OTUD7B: variants seen among roughly 807,000 people sequenced by gnomAD.
OTUD7B encodes the protein OTU deubiquitinase 7B.
Under a neutral mutation model 82.2 loss-of-function variants are expected in OTUD7B, and 34 were observed. The observed-to-expected ratio is 0.41, with a 90% CI of 0.31 to 0.55. OTUD7B has a LOEUF of 0.55. Ranked by LOEUF, OTUD7B falls within the 20% of genes least tolerant of loss-of-function variation. The pLI, the probability that OTUD7B is intolerant of heterozygous loss-of-function variation, is 0.20. For synonymous variants in OTUD7B, 398 were observed against 402.7 expected, an observed-to-expected ratio of 0.99 and a Z score of 0.14; for missense variants, 944 against 1,062.1, an observed-to-expected ratio of 0.89 and a Z score of 1.55.
At chr1:149,997,927 C>G (rs1553783740) in intron 1 of OTUD7B, among the ~76,000 whole-genome samples, 2 of 152,178 alleles carry the variant, frequency 1.3e-5, no homozygotes, top group African/African-American at 2.4e-5. Flanking sequence ...CTACTACTTA[C>G]TAGGCATGCA....
chr1:149,959,844 C>A, intron 6 of OTUD7B, 48 bp from the exon 7 acceptor site: 1 of 1,219,422 alleles, frequency 8.2e-7, no homozygotes, highest in South Asian at 1.2e-5. Flanking sequence ...AGGCTGGGTT[C>A]TAAGAGGCAA....
Position 149,944,556 on chromosome 1 carries a change from A to G in OTUD7B, c.1833T>C (p.Phe611=). 3 of 1,614,086 alleles carry G rather than the reference A, an allele frequency of 1.9e-6. No homozygotes were observed. The South Asian group carries it at 3.3e-5, about 18-fold the overall frequency. ...TAMQGEGKFI[F]VGTLKMGHRH... is the part of the protein sequence containing the mutation. The stretch of plus-strand genomic sequence containing the variant: ...GGTGACCCATCTTCAGGGTTCCAAC[A>G]AAAATAAACTTCCCCTCCCCTTGCA... Residue 611 remains phenylalanine (F), a synonymous_variant, in exon 12 of 12, where the codon TTT becomes TTC. Transcript: ENST00000581312.
At chr1:150,055,041 CTT>C in the OTUD7B span, 39 of 142,164 alleles carry the variant, frequency 2.7e-4, no homozygotes, top group South Asian at 5.1e-4. Context: ...TCTAAATTTC[CTT>C]TTTTTTTTTT....
Position 149,943,560 on chromosome 1 carries a change from T to G in OTUD7B, c.*297A>C. On this transcript the variant is annotated 3_prime_UTR_variant, in exon 12 of 12. Coordinates refer to ENST00000581312, the MANE Select transcript of OTUD7B (RefSeq NM_020205.4). ...CCTTCCCCTGCTACTTTCTCTTAGG[T>G]CCCTGGATGGGACCCAGGAGGTTAT... is the stretch of plus-strand genomic sequence containing the variant. 3.2e-6 allele frequency: 1 copy of G among 315,640 alleles called. No homozygotes were observed. Among genetic ancestry groups the G allele is most frequent in the Non-Finnish European group, 5.9e-6 (1 of 170,488 alleles). 19.6% of individuals were successfully genotyped at this position (315,640 alleles called of 1,614,324 possible).
intron 11 of OTUD7B, 150 bp from the exon 12 acceptor site, chr1:149,945,215 T>G (rs782221828): frequency 2.6e-5 from 28 of 1,066,028 alleles, no homozygotes; most frequent in Admixed American, 1.2e-4. Flanking sequence ...TGGACACCTA[T>G]GAACTCCGTC....
upstream of OTUD7B, among the ~76,000 whole-genome samples, chr1:150,014,058 A>ATGTGTG (rs782449466): frequency 0.11 from 9,588 of 87,134 alleles, 777 homozygotes; most frequent in East Asian, 0.25. Context: ...GTGTATATAT[A>ATGTGTG]TGTGTGTGTG....
At position 149,944,417 on chromosome 1, in the gene OTUD7B, C is replaced by T. The variant is rs782817729; in HGVS notation, c.1972G>A (p.Gly658Arg). Residue 658 changes from glycine to arginine, a missense_variant, in exon 12 of 12, where the codon GGG (glycine) becomes AGG (arginine). By Grantham distance (125) the Gly-to-Arg change is moderately radical. Transcript: ENST00000581312. ...AERKIMNGGIGGGPPPAKKPE... is the reference protein window; with the variant it reads ...AERKIMNGGIRGGPPPAKKPE... Reference sequence around the variant, plus strand: ...TTTTTGGCTGGAGGAGGGCCACCCCCTATTCCTCCATTCATGATCTTCCTC... The same window carrying T: ...TTTTTGGCTGGAGGAGGGCCACCCCTTATTCCTCCATTCATGATCTTCCTC... 5 of 1,614,054 alleles carry T rather than the reference C, an allele frequency of 3.1e-6. No individual in the cohort carries two copies. The highest frequency in any genetic ancestry group is 4.2e-6 in the Non-Finnish European group (5 of 1,180,026).
chr1:149,947,183 G>A, intron 11 of OTUD7B, 68 bp downstream of exon 11: 2 of 904,834 alleles, frequency 2.2e-6, no homozygotes, highest in Non-Finnish European at 3.7e-6. Context: ...AACCATCCCA[G>A]ATCTCCTTGT....
intron 2 of OTUD7B, 94 bp downstream of exon 2, chr1:149,977,332 T>C (rs1057504234): frequency 4.5e-6 from 4 of 884,486 alleles, no homozygotes; most frequent in Admixed American, 3.4e-5. Context: ...CTACACAAAG[T>C]ATCTTCCTGA....
intron 2 of OTUD7B, among the ~76,000 whole-genome samples, chr1:149,974,935 C>T (rs1488929399): frequency 4.6e-5 from 7 of 151,458 alleles, no homozygotes; most frequent in Non-Finnish European, 1.0e-4. Flanking sequence ...CTTAATTAAG[C>T]GACCGTCCCA....
intron 7 of OTUD7B, among the ~76,000 whole-genome samples, chr1:149,959,030 T>C (rs587663538): frequency 6.6e-6 from 1 of 152,058 alleles, no homozygotes; most frequent in South Asian, 2.1e-4. Context: ...GAGATCACCC[T>C]GGCCAAAATG....
Position 149,959,717 on chromosome 1 carries a change from A to G in OTUD7B, c.812T>C (p.Met271Thr), listed in dbSNP as rs782078807. ...LIKLASSEPR[M>T]HLGTNGANCG... ...GTTGGCTCCATTGGTACCTAGATGC[A>G]TTCGGGGTTCACTTGAGGCAAGCTT... The change falls in exon 7 of 12, where the codon ATG becomes ACG. Residue 271 changes from methionine (M) to threonine (T), a missense_variant. Around this residue, in one of 3 missense-constraint regions of OTUD7B, gnomAD observed 530 missense variants for 625.6 expected, o/e 0.85. Transcript: ENST00000581312. The G allele has an allele frequency of 1.9e-6, 3 of 1,613,888 alleles. No individual in the cohort carries two copies. In the South Asian group the frequency reaches 3.3e-5, roughly 18 times the overall value.
intron 7 of OTUD7B, among the ~76,000 whole-genome samples, chr1:149,954,319 C>T (rs1256580511): frequency 6.6e-6 from 1 of 152,110 alleles, no homozygotes; most frequent in Admixed American, 6.5e-5. Flanking sequence ...TGGTTTTTAT[C>T]TTTGGTTCTG....
intron 1 of OTUD7B, among the ~76,000 whole-genome samples, chr1:149,996,775 G>A (rs1440418573): frequency 6.6e-6 from 1 of 152,166 alleles, no homozygotes; most frequent in Non-Finnish European, 1.5e-5. Flanking sequence ...CTACTAAAGA[G>A]TAAAGTTTTC....
intron 2 of OTUD7B, among the ~76,000 whole-genome samples, chr1:149,974,568 TAG>T (rs1650171997): frequency 8.4e-6 from 1 of 119,518 alleles, no homozygotes; most frequent in African/African-American, 3.3e-5. Flanking sequence ...TTTTTTTTTG[TAG>T]ACAGAGTCTC....
At chr1:149,973,816 A>G (rs1553778063) in intron 2 of OTUD7B, among the ~76,000 whole-genome samples, 1 of 150,064 alleles carries the variant, frequency 6.7e-6, no homozygotes, top group Non-Finnish European at 1.5e-5. Flanking sequence ...AAAACAAGCA[A>G]CAGAGAGAAA....
Position 149,944,603 on chromosome 1 carries a change from G to T in OTUD7B, c.1786C>A (p.Leu596Met). The T allele has an allele frequency of 6.2e-7, 1 of 1,614,104 alleles. No homozygotes were observed. The highest frequency in any genetic ancestry group is 8.5e-7 in the Non-Finnish European group (1 of 1,180,028). The change falls in exon 12 of 12, where the codon CTG becomes ATG. Residue 596 changes from leucine to methionine, a missense_variant. Coordinates refer to ENST00000581312, the MANE Select transcript of OTUD7B (RefSeq NM_020205.4). ...TGCATGGCAGTCCTCAGAATGCTCA[G>T]GCTCTGCATCACCTCCTGGCTATAC... Reference protein sequence around the residue: ...SKYSQEVMQSLSILRTAMQGE... With the variant: ...SKYSQEVMQSMSILRTAMQGE...
At chr1:149,957,646 G>A (rs1055672654) in intron 7 of OTUD7B, among the ~76,000 whole-genome samples, 3 of 152,220 alleles carry the variant, frequency 2.0e-5, no homozygotes, top group Admixed American at 1.3e-4. Context: ...GGAGTCTACA[G>A]AGGCAGGCAG....
chr1:149,949,182 G>GAGAAGTGACTACAAT, intron 9 of OTUD7B, 99 bp from the exon 10 acceptor site: 1 of 721,964 alleles, frequency 1.4e-6, no homozygotes, highest in Non-Finnish European at 2.4e-6. Flanking sequence ...GTCTTTAATT[G>GAGAAGTGACTACAAT]TAGTCACTTC....
Sources: gnomAD v4.1 joint callset for allele counts (sites outside exome capture counted in the v4.1 genomes callset) on GRCh38, gnomAD v4.1.1 for gene constraint, gnomAD v4.1.1 regional missense constraint, MANE v1.5 for transcripts, NCBI Gene and HGNC (gene_info 2026-07-23, HGNC 2026-07-21) for gene names.